TMEM117: variants seen among roughly 807,000 people sequenced by gnomAD.
TMEM117 encodes transmembrane protein 117.
TMEM117 carries 27 observed loss-of-function variants against 52.4 expected under a neutral mutation model. That is an observed-to-expected ratio of 0.51 (90% CI 0.38 to 0.71). TMEM117 has a LOEUF of 0.71. Among genes scored for constraint, TMEM117 ranks in the 30% least tolerant of loss-of-function variants. TMEM117 has a pLI of 0.00. For synonymous variants in TMEM117, 215 were observed against 206.3 expected (o/e 1.04, Z -0.36); for missense variants, 556 against 630.5 (o/e 0.88, Z 1.26).
chr12:44,283,340 G>A (rs960754207), intron 5 of TMEM117, among the ~76,000 whole-genome samples: 3 of 152,026 alleles, frequency 2.0e-5, no homozygotes, highest in Admixed American at 6.5e-5. Context: ...AACACTGAAC[G>A]CCAGCCCATG....
At chr12:44,098,169 C>T (rs939616985) in intron 3 of TMEM117, among the ~76,000 whole-genome samples, 15 of 152,028 alleles carry the variant, frequency 9.9e-5, no homozygotes, top group Admixed American at 7.9e-4. Context: ...TTCAGCCAAA[C>T]AAATATATAT....
At chr12:43,818,450 A>ATT in the TMEM117 span, among the ~76,000 whole-genome samples, 7 of 100,070 alleles carry the variant, frequency 7.0e-5, no homozygotes, top group Admixed American at 3.1e-4. Flanking sequence ...TTTTGTTTTT[A>ATT]TTTTTTTTGA....
At chr12:43,814,933 CG>C in the TMEM117 span, among the ~76,000 whole-genome samples, 1 of 151,706 alleles carries the variant, frequency 6.6e-6, no homozygotes. Context: ...TTAGTAGAGA[CG>C]GGGTTTCACC....
At chr12:44,027,118 TA>T (rs1450470631) in intron 3 of TMEM117, among the ~76,000 whole-genome samples, 11 of 125,962 alleles carry the variant, frequency 8.7e-5, no homozygotes, top group African/African-American at 2.5e-4. Context: ...TATTTTATCT[TA>T]TTATTTTATT....
At chr12:43,804,357 G>A in the TMEM117 span, 5 of 635,346 alleles carry the variant, frequency 7.9e-6, no homozygotes, top group African/African-American at 1.9e-5. Context: ...CACAAAATAT[G>A]AGGAATCCAA....
intron 2 of TMEM117, among the ~76,000 whole-genome samples, chr12:43,926,917 C>T (rs1265587372): frequency 6.6e-6 from 1 of 151,792 alleles, no homozygotes; most frequent in Non-Finnish European, 1.5e-5. Context: ...TTGCCTTTGA[C>T]TTAATTATTT....
chr12:44,359,250 G>C (rs932658892), intron 6 of TMEM117, among the ~76,000 whole-genome samples: 1 of 150,814 alleles, frequency 6.6e-6, no homozygotes, highest in Non-Finnish European at 1.5e-5. Flanking sequence ...AAATAACAAA[G>C]TGTCTAGAGT....
chr12:43,945,440 C>T (rs1334544869), intron 3 of TMEM117, among the ~76,000 whole-genome samples: 2 of 151,796 alleles, frequency 1.3e-5, no homozygotes, highest in Admixed American at 1.3e-4. Context: ...CCTTCCTCAG[C>T]CTCCCTAGTA....
At position 43,956,865 on chromosome 12, in the gene TMEM117, G is replaced by A. The variant is rs113016542; in HGVS notation, c.410+12523G>A. On this transcript the variant is annotated intron_variant, in intron 3 of 7. Transcript: ENST00000266534. ...AGGCACATGCACACCTATGTTCATT[G>A]CAGCACTATTTACCATAGCAAAGAC... Among the ~76,000 whole-genome samples, 978 of 152,234 alleles carry A rather than the reference G, an allele frequency of 6.4e-3. 17 individuals are homozygous for A. The highest frequency in any genetic ancestry group is 0.022 in the African/African-American group (919 of 41,514).
chr12:44,154,535 G>A (rs1255829623), intron 4 of TMEM117, among the ~76,000 whole-genome samples: 1 of 151,858 alleles, frequency 6.6e-6, no homozygotes, highest in Non-Finnish European at 1.5e-5. Context: ...TGTAGCTATT[G>A]AAGAAAAATG....
chr12:43,885,049 T>C (rs1248611562), intron 2 of TMEM117, among the ~76,000 whole-genome samples: 2 of 152,206 alleles, frequency 1.3e-5, no homozygotes, highest in Admixed American at 6.5e-5. Flanking sequence ...TCTTGGTAAA[T>C]TATTCTAACT....
chr12:44,388,449 A>T lies in TMEM117; in HGVS notation c.1322A>T (p.Glu441Val). 1 of 1,613,490 alleles carries T rather than the reference A, an allele frequency of 6.2e-7. No individual in the cohort carries two copies. The highest frequency in any genetic ancestry group is 8.5e-7 in the Non-Finnish European group (1 of 1,179,688). Reference sequence around the variant, plus strand: ...CGCATGAAAAGAAAATCTCCATCAGAACATAGCAAAGACATGGGAATCACT... The same window carrying T: ...CGCATGAAAAGAAAATCTCCATCAGTACATAGCAAAGACATGGGAATCACT... ...YTRMKRKSPSEHSKDMGITRE... is the reference protein window; with the variant it reads ...YTRMKRKSPSVHSKDMGITRE... Residue 441 changes from glutamate (E) to valine (V), a missense_variant, in exon 8 of 8, where the codon GAA (glutamate) becomes GTA (valine). By Grantham distance (121) the Glu-to-Val change is moderately radical. Around this residue, in one of 3 missense-constraint regions of TMEM117, gnomAD observed 206 missense variants for 211.1 expected, o/e 0.98. Transcript: ENST00000266534.
In TMEM117 at chr12:44,369,949, C is replaced by T. The variant is rs183788427; in HGVS notation, c.769-6646C>T. Among the ~76,000 whole-genome samples, 577 of 152,288 alleles carry T rather than the reference C, an allele frequency of 3.8e-3. 2 individuals carry two copies. The highest frequency in any genetic ancestry group is 0.014 in the Middle Eastern group (4 of 294). On this transcript the variant is annotated intron_variant, in intron 6 of 7. Coordinates refer to ENST00000266534, the MANE Select transcript of TMEM117 (RefSeq NM_032256.3). ...AGAGAAAAGGGGAGTTGTCAAAGGA[C>T]ATCTAGGAAGTAACCTCCTGCAATG...
At chr12:43,817,191 C>A in the TMEM117 span, among the ~76,000 whole-genome samples, 1 of 152,196 alleles carries the variant, frequency 6.6e-6, no homozygotes, top group Non-Finnish European at 1.5e-5. Flanking sequence ...CAAACTGTGC[C>A]TGTTAACCTA....
intron 2 of TMEM117, among the ~76,000 whole-genome samples, chr12:43,933,942 G>T (rs921174926): frequency 6.6e-6 from 1 of 152,160 alleles, no homozygotes; most frequent in African/African-American, 2.4e-5. Context: ...TGGATTCAAA[G>T]AATTTTGATT....
rs550076183 is a variant in TMEM117 at position 44,387,336 on chromosome 12, A to T, written c.899-690A>T. 3.3e-5 allele frequency among the ~76,000 whole-genome samples: 5 copies of T among 151,954 alleles called. No homozygotes were observed. The East Asian group carries it at 7.7e-4, about 23-fold the overall frequency. Reference sequence around the variant, plus strand: ...TCATTAAATATTGTATTTATATAAGATTTTAAATATTAAAAAAAGAAATAA... The same window carrying T: ...TCATTAAATATTGTATTTATATAAGTTTTTAAATATTAAAAAAAGAAATAA... On this transcript the variant is annotated intron_variant, in intron 7 of 7. Transcript: ENST00000266534.
chr12:44,384,071 G>A (rs1208410031), intron 7 of TMEM117, among the ~76,000 whole-genome samples: 2 of 152,090 alleles, frequency 1.3e-5, no homozygotes, highest in African/African-American at 2.4e-5. Context: ...TGCCCTGCCT[G>A]ACTTCACCTT....
chr12:44,381,652 G>A (rs914612412), intron 7 of TMEM117, among the ~76,000 whole-genome samples: 2 of 152,156 alleles, frequency 1.3e-5, no homozygotes, highest in Non-Finnish European at 2.9e-5. Context: ...GGAACATGTA[G>A]AAGTAAACAA....
chr12:44,017,397 C>A (rs989404795), intron 3 of TMEM117, among the ~76,000 whole-genome samples: 1 of 148,868 alleles, frequency 6.7e-6, no homozygotes, highest in African/African-American at 2.5e-5. Context: ...AAGGAAAAAC[C>A]CCAAACCCAC....
Sources: allele counts gnomAD v4.1 joint callset (sites outside exome capture counted in the v4.1 genomes callset), GRCh38; gene constraint gnomAD v4.1.1; regional missense constraint gnomAD v4.1.1; transcripts MANE v1.5; gene names NCBI Gene and HGNC (gene_info 2026-07-23, HGNC 2026-07-21).